The following TRIP4 variants were observed in gnomAD, a reference collection of about 807,000 sequenced individuals.
TRIP4 encodes the protein activating signal cointegrator 1.
Under a neutral mutation model 81.8 loss-of-function variants are expected in TRIP4, and 54 were observed. The ratio of observed to expected loss-of-function variants is 0.66; its 90% confidence interval spans 0.53 to 0.83. The LOEUF (loss-of-function observed/expected upper bound fraction) is 0.83. Among genes scored for constraint, TRIP4 ranks in the 40% least tolerant of loss-of-function variants. TRIP4 has a pLI of 0.00. For synonymous variants in TRIP4, 270 were observed against 242.8 expected, an observed-to-expected ratio of 1.11 and a Z score of -1.04; for missense variants, 662 against 683.6, an observed-to-expected ratio of 0.97 and a Z score of 0.35.
intron 8 of TRIP4, among the ~76,000 whole-genome samples, chr15:64,417,196 G>A (rs1369044777): frequency 6.6e-6 from 1 of 152,066 alleles, no homozygotes; most frequent in African/African-American, 2.4e-5. Flanking sequence ...TTTTTTTGTA[G>A]AGAAGGAGTT....
rs553420679 is a variant in TRIP4 at position 64,390,764 on chromosome 15, G to A, written c.101+2800G>A. Among the ~76,000 whole-genome samples, 10 of 151,918 alleles carry A rather than the reference G, an allele frequency of 6.6e-5. No individual in the cohort carries two copies. In the East Asian group the frequency reaches 9.8e-4, roughly 15 times the overall value. Reference sequence around the variant, plus strand: ...AAAAAAATTAGCCAGGTATGGTGACGGGCACCTGTAATCCCAGCTACTCGG... The same window carrying A: ...AAAAAAATTAGCCAGGTATGGTGACAGGCACCTGTAATCCCAGCTACTCGG... On this transcript the variant is annotated intron_variant, in intron 1 of 12. Transcript: ENST00000261884.
rs574797181 is a variant in TRIP4, at chr15:64,454,067, G to C, written c.1679-930G>C. ...ACATATTGAGAGGCAGTGATTATGG[G>C]CATGGGCCTGTGGTATACTCAGCTG... On this transcript the variant is annotated intron_variant, in intron 12 of 12. Coordinates refer to ENST00000261884, the MANE Select transcript of TRIP4 (RefSeq NM_016213.5). 2.6e-5 allele frequency among the ~76,000 whole-genome samples: 4 copies of C among 151,744 alleles called. No homozygotes were observed. The South Asian group carries it at 8.3e-4, about 32-fold the overall frequency.
chr15:64,438,309 T>C (rs145286247), intron 11 of TRIP4, among the ~76,000 whole-genome samples: 1 of 152,352 alleles, frequency 6.6e-6, no homozygotes, highest in Non-Finnish European at 1.5e-5. Flanking sequence ...GACCTTACCA[T>C]GTACTGTCAT....
At chr15:64,406,217 C>T in intron 5 of TRIP4, 113 bp from the exon 6 acceptor site, 1 of 1,336,156 alleles carries the variant, frequency 7.5e-7, no homozygotes, top group Non-Finnish European at 1.0e-6. Context: ...AATGAAGGCT[C>T]CAGGCCATCA....
chr15:64,422,448 C>T (rs1456702865), intron 9 of TRIP4, among the ~76,000 whole-genome samples: 2 of 152,224 alleles, frequency 1.3e-5, no homozygotes, highest in East Asian at 1.9e-4. Flanking sequence ...AGGTGCACTA[C>T]ACCTTTTCTC....
At chr15:64,416,663 C>T (rs182498720) in intron 8 of TRIP4, among the ~76,000 whole-genome samples, 1 of 152,240 alleles carries the variant, frequency 6.6e-6, no homozygotes, top group African/African-American at 2.4e-5. Context: ...AGTATGTAGT[C>T]AATTCTGCCT....
At chr15:64,403,321 T>G (rs943618154) in intron 5 of TRIP4, among the ~76,000 whole-genome samples, 9 of 151,986 alleles carry the variant, frequency 5.9e-5, no homozygotes, top group African/African-American at 2.2e-4. Context: ...TATGCCCAGT[T>G]AAATTTTGTA....
intron 11 of TRIP4, 142 bp downstream of exon 11, chr15:64,425,773 T>C (rs570468971): frequency 2.4e-5 from 14 of 573,504 alleles, no homozygotes; most frequent in Non-Finnish European, 4.1e-5. Flanking sequence ...CTGGTGCATA[T>C]AAATATCTGT....
rs751777143 is a variant in TRIP4 at position 64,394,084 on chromosome 15, G to A, written c.240G>A (p.Ser80=). The change falls in exon 2 of 13, where the codon TCG becomes TCA. Residue 80 remains serine (S), a synonymous_variant. Coordinates refer to ENST00000261884, the MANE Select transcript of TRIP4 (RefSeq NM_016213.5). ...KWQKNDQELI[S]DPLQQCFKKD... ...AAAAGAATGATCAGGAGTTGATTTC[G>A]GATCCTTTGCAGCAGTGCTTCAAAA... The A allele has an allele frequency of 1.3e-5, 21 of 1,605,528 alleles. No homozygotes were observed. The African/African-American group carries it at 1.3e-4, about 10-fold the overall frequency.
At chr15:64,398,259 A>G (rs1900352274) in intron 4 of TRIP4, among the ~76,000 whole-genome samples, 1 of 151,350 alleles carries the variant, frequency 6.6e-6, no homozygotes, top group South Asian at 2.1e-4. Flanking sequence ...AGTGTCAGGG[A>G]TATGATTAGT....
intron 6 of TRIP4, among the ~76,000 whole-genome samples, chr15:64,407,094 G>A (rs1433014914): frequency 6.6e-6 from 1 of 151,698 alleles, no homozygotes; most frequent in East Asian, 1.9e-4. Flanking sequence ...ACCAGTTAGT[G>A]GTAAAAAATG....
In TRIP4 at chr15:64,418,733, GA is replaced by G; in HGVS notation, c.1358+7del. ...GCTTGTCAGAGGGATTAAAAGGTAAGAATAAAAATGAATCTGGGCAGTGGAA... is the reference window on the plus strand; with the variant it reads ...GCTTGTCAGAGGGATTAAAAGGTAAGATAAAAATGAATCTGGGCAGTGGAA... On this transcript the variant is annotated splice_donor_region_variant and intron_variant, in intron 9 of 12. Coordinates refer to ENST00000261884, the MANE Select transcript of TRIP4 (RefSeq NM_016213.5). The G allele has an allele frequency of 1.3e-6, 2 of 1,599,526 alleles. No homozygotes were observed. Among genetic ancestry groups the G allele is most frequent in the Non-Finnish European group, 1.7e-6 (2 of 1,173,802 alleles).
At chr15:64,427,242 G>A (rs1164971946) in intron 11 of TRIP4, among the ~76,000 whole-genome samples, 1 of 152,148 alleles carries the variant, frequency 6.6e-6, no homozygotes, top group Non-Finnish European at 1.5e-5. Context: ...GCTTCCACCA[G>A]TGTGCTGAAG....
At chr15:64,411,292 A>T (rs1023727204) in intron 7 of TRIP4, among the ~76,000 whole-genome samples, 2 of 152,210 alleles carry the variant, frequency 1.3e-5, no homozygotes, top group African/African-American at 2.4e-5. Flanking sequence ...AGTGAACGCT[A>T]ATGTAAACTA....
chr15:64,396,840 A>G (rs191684507), intron 3 of TRIP4, among the ~76,000 whole-genome samples: 12 of 152,348 alleles, frequency 7.9e-5, no homozygotes, highest in Admixed American at 7.8e-4. Flanking sequence ...ACTTCAGTTG[A>G]TATGAGTTTG....
intron 11 of TRIP4, among the ~76,000 whole-genome samples, chr15:64,431,848 T>TATATATATATATATATATATATA (rs879733141): frequency 2.4e-4 from 2 of 8,278 alleles, no homozygotes; most frequent in African/African-American, 2.9e-4. Context: ...TATATATATA[T>TATATATATATATATATATATATA]TTTTTTTATC....
chr15:64,422,930 G>A (rs1892051567), intron 9 of TRIP4, among the ~76,000 whole-genome samples: 2 of 152,022 alleles, frequency 1.3e-5, no homozygotes, highest in Admixed American at 6.6e-5. Flanking sequence ...TATCTATATT[G>A]GGAAACCAAG....
chr15:64,453,214 G>A (rs938575648), intron 12 of TRIP4, among the ~76,000 whole-genome samples: 2 of 152,060 alleles, frequency 1.3e-5, no homozygotes, highest in East Asian at 1.9e-4. Flanking sequence ...CAATACAGAC[G>A]ACTGGATGTC....
chr15:64,421,189 G>A (rs914754643), intron 9 of TRIP4, among the ~76,000 whole-genome samples: 1 of 151,048 alleles, frequency 6.6e-6, no homozygotes, highest in African/African-American at 2.4e-5. Context: ...GGCTGAGGCA[G>A]GAGAATTTCT....
Sources: gnomAD v4.1 joint callset for allele counts (sites outside exome capture counted in the v4.1 genomes callset) on GRCh38, gnomAD v4.1.1 for gene constraint, MANE v1.5 for transcripts, NCBI Gene and HGNC (gene_info 2026-07-23, HGNC 2026-07-21) for gene names.